The following CHN1 variants were observed in gnomAD, a reference collection of about 807,000 sequenced individuals.
The protein encoded by CHN1 is N-chimaerin.
CHN1 carries 37 observed loss-of-function variants against 59.5 expected under a neutral mutation model. The observed-to-expected ratio is 0.62, with a 90% confidence interval of 0.48 to 0.82. The LOEUF (loss-of-function observed/expected upper bound fraction) is 0.82. CHN1 is among the 40% of genes least tolerant of loss of function. The probability of loss-of-function intolerance (pLI) is 0.00; values close to 1 mark genes in which losing one functional copy is unlikely to be tolerated. For missense variants in CHN1, 469 were observed against 571.0 expected (o/e 0.82, Z 1.82); for synonymous variants, 206 against 200.4 (o/e 1.03, Z -0.24).
At chr2:174,943,947 T>C (rs2105403188) in intron 3 of CHN1, among the ~76,000 whole-genome samples, 1 of 152,294 alleles carries the variant, frequency 6.6e-6, no homozygotes, top group South Asian at 2.1e-4. Context: ...ATGAGCTGCT[T>C]TGCCTGACCA....
At chr2:174,931,818 C>G (rs1305757976) in intron 3 of CHN1, among the ~76,000 whole-genome samples, 2 of 152,096 alleles carry the variant, frequency 1.3e-5, no homozygotes, top group African/African-American at 4.8e-5. Context: ...AAGAGTGTAT[C>G]AGAGAGAACA....
chr2:174,820,353 T>C (rs375025709), intron 8 of CHN1, among the ~76,000 whole-genome samples: 1 of 152,226 alleles, frequency 6.6e-6, no homozygotes, highest in Non-Finnish European at 1.5e-5. Context: ...TTTTTACTGA[T>C]TGCCATTCTA....
chr2:174,800,976 A>G (rs996294720), intron 12 of CHN1, among the ~76,000 whole-genome samples: 5 of 152,210 alleles, frequency 3.3e-5, no homozygotes, highest in African/African-American at 7.2e-5. Flanking sequence ...AGTGACTAAA[A>G]TATCATTTTT....
chr2:174,961,459 C>A (rs1690404880), intron 1 of CHN1, among the ~76,000 whole-genome samples: 1 of 151,524 alleles, frequency 6.6e-6, no homozygotes, highest in South Asian at 2.1e-4. Flanking sequence ...GGCATGGTTG[C>A]AGGTGCCTGT....
chr2:175,005,183 A>G lies in CHN1; in HGVS notation c.-271T>C, dbSNP rs543170770. The stretch of plus-strand genomic sequence containing the variant: ...CACTTGTCGCTGCCATCAGGCGCGG[A>G]GCGTGCGCGCGGGAGGAGGTACCTG... On this transcript the variant is annotated 5_prime_UTR_variant, in exon 1 of 13. Transcript: ENST00000409900. 1.6e-4 allele frequency: 198 copies of G among 1,258,606 alleles called. No individual in the cohort carries two copies. In the South Asian group the frequency reaches 2.3e-3, roughly 15 times the overall value. 78.0% of individuals were successfully genotyped at this position (1,258,606 alleles called of 1,614,324 possible).
chr2:174,821,972 T>C (rs1455040050), intron 8 of CHN1, among the ~76,000 whole-genome samples: 3 of 152,206 alleles, frequency 2.0e-5, no homozygotes, highest in Admixed American at 6.5e-5. Context: ...TTTCAGCTTA[T>C]CACAGCTAGT....
chr2:174,821,328 AG>A lies in CHN1; in HGVS notation c.712+3105del. On this transcript the variant is annotated intron_variant, in intron 8 of 12. Transcript: ENST00000409900. ...CCTCTGTCTTCAAAGCCAGCAGCAT[AG>A]CATCTTCTCTTCCCTCTGACCTCTG... 1.3e-5 allele frequency among the ~76,000 whole-genome samples: 2 copies of A among 152,118 alleles called. 1 individual carries two copies. Among genetic ancestry groups the A allele is most frequent in the Middle Eastern group, 6.3e-3 (2 of 316 alleles).
intron 10 of CHN1, among the ~76,000 whole-genome samples, chr2:174,810,387 G>C: frequency 6.6e-6 from 1 of 152,274 alleles, no homozygotes; most frequent in Non-Finnish European, 1.5e-5. Flanking sequence ...TCTGTTACTG[G>C]TGTTTTCAGG....
At chr2:174,926,266 A>T (rs1160067415) in intron 3 of CHN1, among the ~76,000 whole-genome samples, 4 of 150,272 alleles carry the variant, frequency 2.7e-5, no homozygotes. Flanking sequence ...TGCAGTGGTG[A>T]TCACAGCTCA....
At chr2:174,963,815 A>T (rs1252259829) in intron 1 of CHN1, among the ~76,000 whole-genome samples, 1 of 152,180 alleles carries the variant, frequency 6.6e-6, no homozygotes. Context: ...AGCACAACTC[A>T]TGGAGCCGAC....
At chr2:174,825,192 T>C (rs1685647076) in intron 7 of CHN1, among the ~76,000 whole-genome samples, 1 of 152,138 alleles carries the variant, frequency 6.6e-6, no homozygotes, top group African/African-American at 2.4e-5. Context: ...CCATATAGAG[T>C]ATGTCTTGGG....
chr2:174,858,393 T>C (rs1686969532), intron 6 of CHN1, among the ~76,000 whole-genome samples: 1 of 152,178 alleles, frequency 6.6e-6, no homozygotes, highest in African/African-American at 2.4e-5. Flanking sequence ...TTGCTTTTAT[T>C]TTGAAAATGG....
intron 6 of CHN1, among the ~76,000 whole-genome samples, chr2:174,851,084 T>C (rs1330126476): frequency 6.6e-6 from 1 of 152,118 alleles, no homozygotes; most frequent in South Asian, 2.1e-4. Flanking sequence ...CTTATGAGAG[T>C]AGTATATAAA....
At chr2:174,867,831 AAGGACAAACAGCAGAAT>A (rs1687273733) in intron 6 of CHN1, among the ~76,000 whole-genome samples, 2 of 152,222 alleles carry the variant, frequency 1.3e-5, no homozygotes, top group Non-Finnish European at 2.9e-5. Flanking sequence ...CCAACTCTGG[AAGGACAAACAGCAGAAT>A]ATTATTAGTT....
intron 11 of CHN1, 124 bp from the exon 12 acceptor site, chr2:174,801,936 T>C (rs1412240248): frequency 2.8e-6 from 2 of 721,926 alleles, no homozygotes; most frequent in Non-Finnish European, 2.4e-6. Flanking sequence ...TCGTAATTCC[T>C]TGTCCACAGC....
intron 5 of CHN1, among the ~76,000 whole-genome samples, chr2:174,894,071 A>C (rs1483087172): frequency 6.6e-6 from 1 of 152,130 alleles, no homozygotes; most frequent in Admixed American, 6.6e-5. Context: ...AATTTCTTGG[A>C]TATGACACCA....
intron 6 of CHN1, among the ~76,000 whole-genome samples, chr2:174,852,210 A>G (rs1686755201): frequency 1.3e-5 from 2 of 152,166 alleles, no homozygotes; most frequent in Middle Eastern, 3.4e-3. Context: ...AATCACGTGA[A>G]CCTGGGAGGC....
chr2:174,865,069 C>T (rs540427553), intron 6 of CHN1, among the ~76,000 whole-genome samples: 127 of 152,134 alleles, frequency 8.3e-4, no homozygotes, highest in Non-Finnish European at 1.4e-3. Context: ...TAAGAGAGAA[C>T]TAAGCTACAC....
intron 1 of CHN1, among the ~76,000 whole-genome samples, chr2:174,973,145 A>G (rs1009372754): frequency 6.6e-6 from 1 of 152,208 alleles, no homozygotes; most frequent in Non-Finnish European, 1.5e-5. Flanking sequence ...AGAATGCTGG[A>G]TAACAATGAT....
Sources: gnomAD v4.1 joint callset for allele counts (sites outside exome capture counted in the v4.1 genomes callset) on GRCh38, gnomAD v4.1.1 for gene constraint, MANE v1.5 for transcripts, NCBI Gene and HGNC (gene_info 2026-07-23, HGNC 2026-07-21) for gene names.